CYB5R4: variants seen among roughly 807,000 people sequenced by gnomAD.
The protein encoded by CYB5R4 is N-terminal cytochrome b5 and cytochrome b5 oxidoreductase domain-containing protein.
In CYB5R4, 55 loss-of-function variants were observed where a neutral mutation model predicts 70.2. The observed-to-expected ratio is 0.78, with a 90% CI of 0.63 to 0.98. The LOEUF (loss-of-function observed/expected upper bound fraction) is 0.98. Ranked by LOEUF, CYB5R4 falls within the 50% of genes least tolerant of loss-of-function variation. CYB5R4 has a pLI of 0.00. For synonymous variants in CYB5R4, 197 were observed against 199.5 expected (o/e 0.99, Z 0.11); for missense variants, 562 against 612.6 (o/e 0.92, Z 0.87).
At chr6:83,957,502 T>A (rs1287287647) in intron 15 of CYB5R4, among the ~76,000 whole-genome samples, 1 of 151,314 alleles carries the variant, frequency 6.6e-6, no homozygotes, top group Non-Finnish European at 1.5e-5. Flanking sequence ...GCACCTGTGA[T>A]CCCAGCTACT....
At chr6:83,890,674 A>G (rs1403189362) in intron 2 of CYB5R4, among the ~76,000 whole-genome samples, 1 of 152,188 alleles carries the variant, frequency 6.6e-6, no homozygotes, top group Non-Finnish European at 1.5e-5. Flanking sequence ...TAAATCTCTC[A>G]TGAAAGGTCG....
chr6:83,861,914 G>T (rs2099456000), intron 1 of CYB5R4, among the ~76,000 whole-genome samples: 1 of 152,158 alleles, frequency 6.6e-6, no homozygotes, highest in Non-Finnish European at 1.5e-5. Context: ...AGGAAATTTT[G>T]TTTGTCAATT....
chr6:83,881,041 A>G (rs1346460864), intron 2 of CYB5R4, among the ~76,000 whole-genome samples: 2 of 152,140 alleles, frequency 1.3e-5, no homozygotes, highest in Non-Finnish European at 2.9e-5. Context: ...CCCTGAGTGT[A>G]ATGTCTCTCT....
At chr6:83,868,274 A>G (rs941382883) in intron 2 of CYB5R4, among the ~76,000 whole-genome samples, 1 of 152,184 alleles carries the variant, frequency 6.6e-6, no homozygotes, top group Non-Finnish European at 1.5e-5. Flanking sequence ...GGGAGACACA[A>G]TCAGTTTCTT....
At chr6:83,917,565 G>T (rs751961933) in intron 5 of CYB5R4, among the ~76,000 whole-genome samples, 55 of 152,126 alleles carry the variant, frequency 3.6e-4, no homozygotes, top group Non-Finnish European at 6.6e-4. Flanking sequence ...GATGAATTCA[G>T]TAGCATGGAT....
At position 83,893,830 on chromosome 6, in the gene CYB5R4, C is replaced by T. The variant is rs144947573; in HGVS notation, c.330+208C>T. Among the ~76,000 whole-genome samples, 1,333 of 152,220 alleles carry T rather than the reference C, an allele frequency of 8.8e-3. 26 individuals carry two copies. Among genetic ancestry groups the T allele is most frequent in the African/African-American group, 0.03 (1,248 of 41,528 alleles). ...AAATTTTAGAGATGTTTCAAATCTGCGACTAGGGGTCTTCTTTTAAGTGTT... is the reference window on the plus strand; with the variant it reads ...AAATTTTAGAGATGTTTCAAATCTGTGACTAGGGGTCTTCTTTTAAGTGTT... On this transcript the variant is annotated intron_variant, in intron 3 of 15. Coordinates refer to ENST00000369681, the MANE Select transcript of CYB5R4 (RefSeq NM_016230.4).
In CYB5R4 at chr6:83,962,902, G is replaced by A. The variant is rs879261513; in HGVS notation, c.*3024G>A. 1.3e-5 allele frequency: 2 copies of A among 152,150 alleles called. No individual in the cohort carries two copies. The highest frequency in any genetic ancestry group is 2.9e-5 in the Non-Finnish European group (2 of 68,040). The allele number at this position is 152,150 out of a possible 1,614,324, so 9.4% of individuals were successfully genotyped here. ...TGAATCTCATGCTTTCAGTCTCTCT[G>A]AATTCCCTTGTGGGCTTCTTCAGCA... On this transcript the variant is annotated 3_prime_UTR_variant, in exon 16 of 16. Transcript: ENST00000369681.
intron 3 of CYB5R4, among the ~76,000 whole-genome samples, chr6:83,904,952 T>C (rs1363156947): frequency 6.6e-6 from 1 of 152,216 alleles, no homozygotes; most frequent in African/African-American, 2.4e-5. Flanking sequence ...AAGTGTCATA[T>C]TTCCTTGCTT....
intron 10 of CYB5R4, chr6:83,929,475 A>T (rs1367827654): frequency 6.6e-6 from 1 of 152,214 alleles, no homozygotes; most frequent in Admixed American, 6.5e-5. Context: ...AGAGAAGAGA[A>T]ACTTTCATTT....
At chr6:83,916,530 T>G (rs1378746338) in intron 5 of CYB5R4, among the ~76,000 whole-genome samples, 1 of 152,188 alleles carries the variant, frequency 6.6e-6, no homozygotes, top group African/African-American at 2.4e-5. Flanking sequence ...CTCTCTTGTT[T>G]TACGTGTAGT....
intron 14 of CYB5R4, among the ~76,000 whole-genome samples, chr6:83,951,862 G>T (rs1334426412): frequency 6.6e-6 from 1 of 152,182 alleles, no homozygotes; most frequent in Non-Finnish European, 1.5e-5. Context: ...TCGCCACACT[G>T]TTTTCTACGA....
chr6:83,904,493 A>C (rs1339345781), intron 3 of CYB5R4, among the ~76,000 whole-genome samples: 1 of 152,192 alleles, frequency 6.6e-6, no homozygotes, highest in Non-Finnish European at 1.5e-5. Flanking sequence ...GATGAAAAAA[A>C]ATGTGTATTC....
chr6:83,876,567 A>G (rs1219969286), intron 2 of CYB5R4, among the ~76,000 whole-genome samples: 7 of 151,620 alleles, frequency 4.6e-5, no homozygotes, highest in African/African-American at 1.7e-4. Context: ...CTACTTTCAA[A>G]TAATATACTA....
At chr6:83,861,417 G>A (rs1375949276) in intron 1 of CYB5R4, among the ~76,000 whole-genome samples, 1 of 152,216 alleles carries the variant, frequency 6.6e-6, no homozygotes, top group African/African-American at 2.4e-5. Flanking sequence ...GGAAGGTCGT[G>A]TATTATACAA....
chr6:83,859,775 G>C lies in CYB5R4; in HGVS notation c.-8G>C. ...TCCCCGGGCAGGGCCCGGGGCCGGG[G>C]TTTGAAGATGCTGAACGTCCCTTCC... On this transcript the variant is annotated 5_prime_UTR_variant, in exon 1 of 16. Transcript: ENST00000369681. 1 of 1,613,006 alleles carries C rather than the reference G, an allele frequency of 6.2e-7. No homozygotes were observed. Among genetic ancestry groups the C allele is most frequent in the South Asian group, 1.1e-5 (1 of 90,954 alleles).
At chr6:83,872,384 T>C (rs1322454344) in intron 2 of CYB5R4, among the ~76,000 whole-genome samples, 1 of 152,196 alleles carries the variant, frequency 6.6e-6, no homozygotes, top group Non-Finnish European at 1.5e-5. Context: ...ATTTCACAGA[T>C]TGAGGGTACT....
Position 83,914,427 on chromosome 6 carries a change from G to A in CYB5R4, c.424G>A (p.Glu142Lys). 6.5e-7 allele frequency: 1 copy of A among 1,530,552 alleles called. No homozygotes were observed. Among genetic ancestry groups the A allele is most frequent in the South Asian group, 1.2e-5 (1 of 85,260 alleles). 94.8% of individuals were successfully genotyped at this position (1,530,552 alleles called of 1,614,324 possible). Residue 142 changes from glutamate (E) to lysine (K), a missense_variant, in exon 5 of 16, where the codon GAG becomes AAG. Physicochemically the swap from Glu to Lys is moderately conservative, Grantham distance 56 (BLOSUM62 1). Coordinates refer to ENST00000369681, the MANE Select transcript of CYB5R4 (RefSeq NM_016230.4). Reference sequence around the variant, plus strand: ...AAATCACTATACAGACTATCGTGAGGAGGAAAAGAAAGTCTTAAATGGTAA... The same window carrying A: ...AAATCACTATACAGACTATCGTGAGAAGGAAAAGAAAGTCTTAAATGGTAA... ...KPAVLKDYRE[E>K]EKKVLNGMLP...
chr6:83,888,617 G>T (rs988662501), intron 2 of CYB5R4, among the ~76,000 whole-genome samples: 3 of 152,076 alleles, frequency 2.0e-5, no homozygotes, highest in South Asian at 2.1e-4. Flanking sequence ...GACAATTCCT[G>T]TCTCACCTTC....
intron 2 of CYB5R4, among the ~76,000 whole-genome samples, chr6:83,868,770 C>T (rs1431470951): frequency 1.3e-5 from 2 of 152,150 alleles, no homozygotes; most frequent in African/African-American, 4.8e-5. Flanking sequence ...TCTGTCAAGC[C>T]TAGATCAGAC....
Sources: allele counts gnomAD v4.1 joint callset (sites outside exome capture counted in the v4.1 genomes callset), GRCh38; gene constraint gnomAD v4.1.1; transcripts MANE v1.5; gene names NCBI Gene and HGNC (gene_info 2026-07-23, HGNC 2026-07-21).